NRXN3: variants seen among roughly 807,000 people sequenced by gnomAD.
NRXN3 encodes neurexin 3, also known as neurexin III.
In NRXN3, 32 loss-of-function variants were observed where a neutral mutation model predicts 137.6. The ratio of observed to expected loss-of-function variants is 0.23; its 90% CI spans 0.18 to 0.31. NRXN3 has a LOEUF of 0.31. Among genes scored for constraint, NRXN3 ranks in the 10% least tolerant of loss-of-function variants. The pLI, the probability that NRXN3 is intolerant of heterozygous loss-of-function variation, is 1.00. For synonymous variants in NRXN3, 798 were observed against 784.5 expected, an observed-to-expected ratio of 1.02 and a Z score of -0.29; for missense variants, 1,574 against 2,062.5, an observed-to-expected ratio of 0.76 and a Z score of 4.59.
intron 6 of NRXN3, among the ~76,000 whole-genome samples, chr14:78,657,821 G>A (rs886682634): frequency 2.6e-5 from 4 of 152,076 alleles, no homozygotes; most frequent in Non-Finnish European, 2.9e-5. Flanking sequence ...GGGATAATGT[G>A]TTTGTTGTTG....
intron 16 of NRXN3, among the ~76,000 whole-genome samples, chr14:79,612,955 T>G (rs920290880): frequency 1.3e-5 from 2 of 152,222 alleles, no homozygotes; most frequent in African/African-American, 4.8e-5. Context: ...ATAAAACATT[T>G]CTCACCTTTT....
chr14:79,337,029 T>G (rs2092311426), intron 15 of NRXN3, among the ~76,000 whole-genome samples: 2 of 152,200 alleles, frequency 1.3e-5, no homozygotes, highest in African/African-American at 4.8e-5. Context: ...GCTTCACCTA[T>G]TTCTTGAAAA....
intron 17 of NRXN3, among the ~76,000 whole-genome samples, chr14:79,671,134 A>T (rs2098605566): frequency 6.6e-6 from 1 of 152,080 alleles, no homozygotes; most frequent in African/African-American, 2.4e-5. Context: ...TAGTCTTGAA[A>T]CCACCCATTA....
rs151025720 is a variant in NRXN3 at position 79,791,856 on chromosome 14, T to G, written c.4015-13256T>G. On this transcript the variant is annotated intron_variant, in intron 19 of 20. Transcript: ENST00000335750. ...GGCCACTTTTAGTTGCAAAGGAGGC[T>G]TGGTTAGGCCGGTCACATTGCCAGC... Among the ~76,000 whole-genome samples, 134 of 152,276 alleles carry G rather than the reference T, an allele frequency of 8.8e-4. 1 individual carries two copies. Among genetic ancestry groups the G allele is most frequent in the Non-Finnish European group, 1.3e-3 (87 of 68,022 alleles).
At position 79,226,164 on chromosome 14, in the gene NRXN3, C is replaced by A. The variant is rs530916594; in HGVS notation, c.3262+238023C>A. 3.9e-5 allele frequency among the ~76,000 whole-genome samples: 6 copies of A among 152,274 alleles called. No homozygotes were observed. The South Asian group carries it at 1.2e-3, about 32-fold the overall frequency. ...TTAACTGCAGCTAAGCAACATGACT[C>A]CCCATCACGACAGAGTAGAAGGAGA... On this transcript the variant is annotated intron_variant, in intron 15 of 20. Coordinates refer to ENST00000335750, the MANE Select transcript of NRXN3 (RefSeq NM_001330195.2).
At chr14:78,880,100 C>T (rs2099124452) in intron 10 of NRXN3, among the ~76,000 whole-genome samples, 3 of 147,704 alleles carry the variant, frequency 2.0e-5, no homozygotes, top group Non-Finnish European at 4.4e-5. Flanking sequence ...ATTAGCCGGG[C>T]GTAGTGGCGG....
At chr14:78,277,725 G>A (rs73310364) in intron 2 of NRXN3, among the ~76,000 whole-genome samples, 1,643 of 152,132 alleles carry the variant, frequency 0.011, 28 homozygotes, top group African/African-American at 0.038. Context: ...CAGTGCCTTG[G>A]GCTGCTCTGG....
At chr14:78,818,159 A>G (rs1323950634) in intron 10 of NRXN3, among the ~76,000 whole-genome samples, 1 of 151,840 alleles carries the variant, frequency 6.6e-6, no homozygotes, top group East Asian at 1.9e-4. Flanking sequence ...ATATAAAGTT[A>G]GTGTACCTAG....
chr14:78,426,947 G>A lies in NRXN3; in HGVS notation c.757+129087G>A, dbSNP rs545148166. Reference sequence around the variant, plus strand: ...TTCAGATTTGGAATAAACATGTTCAGCCCTCAAGTTTGATGCTGTTTGCAG... The same window carrying A: ...TTCAGATTTGGAATAAACATGTTCAACCCTCAAGTTTGATGCTGTTTGCAG... On this transcript the variant is annotated intron_variant, in intron 4 of 20. Coordinates refer to ENST00000335750, the MANE Select transcript of NRXN3 (RefSeq NM_001330195.2). Among the ~76,000 whole-genome samples the A allele has an allele frequency of 7.2e-4, 110 of 152,146 alleles. 1 individual carries two copies. The highest frequency in any genetic ancestry group is 1.4e-3 in the Non-Finnish European group (98 of 68,032).
Position 78,357,311 on chromosome 14 carries a change from G to A in NRXN3, c.757+59451G>A, listed in dbSNP as rs904452317. Among the ~76,000 whole-genome samples, 7 of 152,104 alleles carry A rather than the reference G, an allele frequency of 4.6e-5. No individual in the cohort carries two copies. In the East Asian group the frequency reaches 7.7e-4, roughly 17 times the overall value. On this transcript the variant is annotated intron_variant, in intron 4 of 20. Coordinates refer to ENST00000335750, the MANE Select transcript of NRXN3 (RefSeq NM_001330195.2). The stretch of plus-strand genomic sequence containing the variant: ...TTATTTTTAAACCATCGGATCTCAC[G>A]AAACTCATTCACTATCAAGAGAACA...
intron 4 of NRXN3, among the ~76,000 whole-genome samples, chr14:78,432,668 A>G (rs1004140553): frequency 6.6e-6 from 1 of 152,198 alleles, no homozygotes; most frequent in African/African-American, 2.4e-5. Flanking sequence ...ATTGTCTTCT[A>G]ATTCCTTCTT....
At chr14:79,086,310 AG>A (rs1443454515) in intron 15 of NRXN3, among the ~76,000 whole-genome samples, 2 of 152,136 alleles carry the variant, frequency 1.3e-5, no homozygotes, top group East Asian at 3.9e-4. Context: ...AGAGGTAGGA[AG>A]GAAACCCAAA....
chr14:79,634,332 G>C (rs2098386369), intron 16 of NRXN3, among the ~76,000 whole-genome samples: 1 of 152,108 alleles, frequency 6.6e-6, no homozygotes, highest in Admixed American at 6.5e-5. Flanking sequence ...AGAGAGAGGA[G>C]ACAGAGAGAT....
At chr14:79,361,178 T>TTTAC (rs2093668553) in intron 15 of NRXN3, among the ~76,000 whole-genome samples, 1 of 152,136 alleles carries the variant, frequency 6.6e-6, no homozygotes, top group South Asian at 2.1e-4. Context: ...AAAGGAGCCG[T>TTTAC]TTACTCTCTT....
chr14:79,369,230 A>G (rs1293519230), intron 15 of NRXN3, among the ~76,000 whole-genome samples: 1 of 152,204 alleles, frequency 6.6e-6, no homozygotes, highest in African/African-American at 2.4e-5. Context: ...CCAGTCAGGA[A>G]CAGGTGGGCT....
chr14:78,872,288 T>C (rs1213902047), intron 10 of NRXN3, among the ~76,000 whole-genome samples: 5 of 147,972 alleles, frequency 3.4e-5, no homozygotes, highest in South Asian at 4.2e-4. Flanking sequence ...AATAAATATA[T>C]ATACATATTT....
intron 15 of NRXN3, among the ~76,000 whole-genome samples, chr14:79,061,690 A>G (rs982680358): frequency 5.3e-5 from 8 of 152,210 alleles, no homozygotes; most frequent in South Asian, 2.1e-4. Context: ...GACAAGGTCT[A>G]CGGCATCAAG....
At chr14:79,789,736 A>G (rs1318074138) in intron 19 of NRXN3, among the ~76,000 whole-genome samples, 5 of 152,126 alleles carry the variant, frequency 3.3e-5, no homozygotes, top group Admixed American at 6.5e-5. Flanking sequence ...GTTTTGATAG[A>G]TTTTGGCTAG....
intron 4 of NRXN3, among the ~76,000 whole-genome samples, chr14:78,481,865 A>G (rs1254892625): frequency 6.6e-6 from 1 of 152,104 alleles, no homozygotes; most frequent in Non-Finnish European, 1.5e-5. Flanking sequence ...TATATTATAG[A>G]GTTCTTTTAG....
Sources: allele counts gnomAD v4.1 joint callset (sites outside exome capture counted in the v4.1 genomes callset), GRCh38; gene constraint gnomAD v4.1.1; transcripts MANE v1.5; gene names NCBI Gene and HGNC (gene_info 2026-07-23, HGNC 2026-07-21).